GRM7: variants seen among roughly 807,000 people sequenced by gnomAD.
GRM7 encodes glutamate metabotropic receptor 7, also known as metabotropic glutamate receptor 7.
A neutral mutation model predicts 84.5 loss-of-function variants in GRM7; 35 were observed. The observed-to-expected ratio is 0.41, with a 90% CI of 0.32 to 0.55. GRM7 has a LOEUF of 0.55. Among genes scored for constraint, GRM7 ranks in the 20% least tolerant of loss-of-function variants. The pLI is 0.19. For synonymous variants in GRM7, 487 were observed against 455.1 expected, an observed-to-expected ratio of 1.07 and a Z score of -0.89; for missense variants, 1,003 against 1,194.6, an observed-to-expected ratio of 0.84 and a Z score of 2.36.
intron 2 of GRM7, among the ~76,000 whole-genome samples, chr3:7,227,111 C>G (rs1258244378): frequency 6.6e-6 from 1 of 152,052 alleles, no homozygotes; most frequent in Admixed American, 6.6e-5. Flanking sequence ...ATTAAGGTAC[C>G]TCTCTTGCAT....
At chr3:7,179,667 G>T (rs1190149146) in intron 2 of GRM7, among the ~76,000 whole-genome samples, 1 of 152,126 alleles carries the variant, frequency 6.6e-6, no homozygotes, top group African/African-American at 2.4e-5. Flanking sequence ...CTTGTAACTT[G>T]CCTCCTACTT....
rs1185658017 is a variant in GRM7 at position 7,469,420 on chromosome 3, A to AT, written c.1515+7705dup. Reference sequence around the variant, plus strand: ...GTTAGTTTTTGTTTTATTTCAGTTGATTTTTTTATTTTAGACACCTACCAG... The same window carrying AT: ...GTTAGTTTTTGTTTTATTTCAGTTGATTTTTTTTATTTTAGACACCTACCAG... On this transcript the variant is annotated intron_variant, in intron 7 of 9. Coordinates refer to ENST00000357716, the MANE Select transcript of GRM7 (RefSeq NM_000844.4). Among the ~76,000 whole-genome samples the AT allele has an allele frequency of 6.6e-5, 10 of 152,280 alleles. No homozygotes were observed. The South Asian group carries it at 1.7e-3, about 25-fold the overall frequency.
At chr3:7,161,797 G>T (rs1472816626) in intron 2 of GRM7, among the ~76,000 whole-genome samples, 2 of 152,160 alleles carry the variant, frequency 1.3e-5, no homozygotes, top group Non-Finnish European at 2.9e-5. Context: ...TGTGAATTTA[G>T]GTGAGATGAA....
At position 6,872,673 on chromosome 3, in the gene GRM7, C is replaced by G. The variant is rs548767157; in HGVS notation, c.519+10766C>G. 1.4e-4 allele frequency among the ~76,000 whole-genome samples: 21 copies of G among 151,820 alleles called. 1 individual carries two copies. The South Asian group carries it at 4.2e-3, about 30-fold the overall frequency. ...GTTCCCCTCCCTGTGTCCATATGTT[C>G]TTGTTGTTCAACTCCCACTTATGAG... On this transcript the variant is annotated intron_variant, in intron 1 of 9. Coordinates refer to ENST00000357716, the MANE Select transcript of GRM7 (RefSeq NM_000844.4).
intron 8 of GRM7, among the ~76,000 whole-genome samples, chr3:7,600,004 T>A (rs1449923020): frequency 6.6e-6 from 1 of 152,160 alleles, no homozygotes; most frequent in Admixed American, 6.6e-5. Context: ...AGCATCATTC[T>A]GCAAAATATC....
At chr3:7,653,180 C>CTTTTTTTTT (rs1218949173) in intron 8 of GRM7, among the ~76,000 whole-genome samples, 40 of 89,514 alleles carry the variant, frequency 4.5e-4, no homozygotes, top group African/African-American at 8.7e-4. Flanking sequence ...ATACTATATC[C>CTTTTTTTTT]TTTTTTTTTT....
At chr3:7,323,649 A>T (rs1003520427) in intron 4 of GRM7, among the ~76,000 whole-genome samples, 1 of 152,138 alleles carries the variant, frequency 6.6e-6, no homozygotes, top group Non-Finnish European at 1.5e-5. Context: ...TCTTTGAGAT[A>T]TTAGAAAAAT....
chr3:7,232,205 A>G (rs984632585), intron 2 of GRM7, among the ~76,000 whole-genome samples: 3 of 152,082 alleles, frequency 2.0e-5, no homozygotes, highest in South Asian at 2.1e-4. Flanking sequence ...TCCTATGTAT[A>G]TGGGTGAACT....
At chr3:7,555,157 T>C (rs1024073055) in intron 7 of GRM7, among the ~76,000 whole-genome samples, 9 of 152,208 alleles carry the variant, frequency 5.9e-5, no homozygotes, top group Non-Finnish European at 1.3e-4. Flanking sequence ...TCAAATGAAA[T>C]AACTGGTACA....
chr3:6,886,104 T>TGTGG (rs1695683240), intron 1 of GRM7, among the ~76,000 whole-genome samples: 1 of 152,054 alleles, frequency 6.6e-6, no homozygotes. Flanking sequence ...ATTGTGTGTG[T>TGTGG]GTGTGGGTGT....
chr3:7,432,236 C>G (rs1453940710), intron 5 of GRM7, among the ~76,000 whole-genome samples: 1 of 152,170 alleles, frequency 6.6e-6, no homozygotes, highest in Non-Finnish European at 1.5e-5. Flanking sequence ...ATAATTAAAG[C>G]TGATAAAACG....
At chr3:7,165,376 T>G (rs1694768777) in intron 2 of GRM7, among the ~76,000 whole-genome samples, 1 of 152,218 alleles carries the variant, frequency 6.6e-6, no homozygotes, top group Non-Finnish European at 1.5e-5. Context: ...GAAGAAAAAT[T>G]AAACTATCAG....
intron 2 of GRM7, among the ~76,000 whole-genome samples, chr3:7,193,655 A>G (rs1695787552): frequency 6.9e-6 from 1 of 144,994 alleles, no homozygotes; most frequent in Non-Finnish European, 1.5e-5. Context: ...TCATTTCTGT[A>G]TTTCTCTTTC....
chr3:7,600,566 T>A (rs775701781), intron 8 of GRM7, among the ~76,000 whole-genome samples: 7 of 152,146 alleles, frequency 4.6e-5, no homozygotes, highest in Non-Finnish European at 8.8e-5. Context: ...GCGGTTAAGT[T>A]CTGCCTGTCT....
chr3:7,332,247 A>G (rs1033513948), intron 4 of GRM7, among the ~76,000 whole-genome samples: 3 of 152,188 alleles, frequency 2.0e-5, no homozygotes, highest in Admixed American at 6.5e-5. Context: ...ATTATCTAAT[A>G]TGATTCTCCC....
At chr3:7,386,450 A>G (rs1184382283) in intron 4 of GRM7, among the ~76,000 whole-genome samples, 2 of 152,030 alleles carry the variant, frequency 1.3e-5, no homozygotes, top group Admixed American at 6.6e-5. Flanking sequence ...TGGAATCTCC[A>G]GTGTCTATTG....
At chr3:7,224,725 A>G (rs151232846) in intron 2 of GRM7, among the ~76,000 whole-genome samples, 1 of 152,316 alleles carries the variant, frequency 6.6e-6, no homozygotes, top group East Asian at 1.9e-4. Flanking sequence ...TCAAGAAATT[A>G]TGGAGAACCG....
intron 2 of GRM7, among the ~76,000 whole-genome samples, chr3:7,185,627 G>A (rs1695488899): frequency 6.6e-6 from 1 of 152,136 alleles, no homozygotes; most frequent in Non-Finnish European, 1.5e-5. Flanking sequence ...CATTCTTGAA[G>A]TAGTTCTTAA....
chr3:7,013,005 G>A (rs942195850), intron 1 of GRM7, among the ~76,000 whole-genome samples: 1 of 151,812 alleles, frequency 6.6e-6, no homozygotes, highest in Admixed American at 6.6e-5. Flanking sequence ...CTTCCAATAC[G>A]CCGGGATTAC....
Sources: gnomAD v4.1 joint callset for allele counts (sites outside exome capture counted in the v4.1 genomes callset) on GRCh38, gnomAD v4.1.1 for gene constraint, MANE v1.5 for transcripts, NCBI Gene and HGNC (gene_info 2026-07-23, HGNC 2026-07-21) for gene names.